ATRX: variants seen among roughly 807,000 people sequenced by gnomAD.
ATRX encodes ATRX chromatin remodeler.
Under a neutral mutation model 172.6 loss-of-function variants are expected in ATRX, and 12 were observed. The observed-to-expected ratio is 0.07, with a 90% CI of 0.04 to 0.11. ATRX has a LOEUF of 0.11. Ranked by LOEUF, ATRX falls within the 10% of genes least tolerant of loss-of-function variation. The pLI is 1.00. For synonymous variants in ATRX, 674 were observed against 594.7 expected (o/e 1.13, Z -1.94); for missense variants, 1,368 against 1,767.4 (o/e 0.77, Z 4.05).
intron 1 of ATRX, among the ~76,000 whole-genome samples, chrX:77,764,232 T>A (rs995475854): frequency 2.7e-5 from 3 of 112,476 alleles, no homozygotes; most frequent in South Asian, 7.3e-4. Flanking sequence ...TAATCCTGGC[T>A]CAACTTTAAA....
chrX:77,566,187 A>G (rs1557064437), intron 28 of ATRX, among the ~76,000 whole-genome samples: 1 of 111,908 alleles, frequency 8.9e-6, no homozygotes, highest in Admixed American at 9.5e-5. Flanking sequence ...CAAACAGGAT[A>G]AACCCAAACA....
At chrX:77,517,573 T>C (rs782048587) in intron 34 of ATRX, among the ~76,000 whole-genome samples, 1 of 112,074 alleles carries the variant, frequency 8.9e-6, no homozygotes, top group Non-Finnish European at 1.9e-5. Flanking sequence ...ATGTCTTCAC[T>C]GCTGAATTTT....
chrX:77,672,584 A>T lies in ATRX; in HGVS notation c.3809+3642T>A, dbSNP rs1438491928. Among the ~76,000 whole-genome samples the T allele has an allele frequency of 1.8e-4, 20 of 111,200 alleles. No individual in the cohort carries two copies. The Admixed American group carries it at 1.9e-3, about 11-fold the overall frequency. On this transcript the variant is annotated intron_variant, in intron 10 of 34. Coordinates refer to ENST00000373344, the MANE Select transcript of ATRX (RefSeq NM_000489.6). ...ACACAAAATTATCATCAAATGATAC[A>T]ACAACAGTTGGAAATTTAAAATGCT...
intron 34 of ATRX, among the ~76,000 whole-genome samples, chrX:77,515,712 T>C (rs1331770619): frequency 8.9e-6 from 1 of 112,104 alleles, no homozygotes; most frequent in African/African-American, 3.2e-5. Flanking sequence ...AAATTCAACA[T>C]GTTATAGACA....
intron 12 of ATRX, among the ~76,000 whole-genome samples, chrX:77,661,198 T>C (rs1399326143): frequency 4.5e-5 from 5 of 112,309 alleles, no homozygotes. Flanking sequence ...TGTCTACTTA[T>C]TGATAATGTG....
chrX:77,715,222 G>A (rs1284334847), intron 2 of ATRX, among the ~76,000 whole-genome samples: 3 of 111,594 alleles, frequency 2.7e-5, no homozygotes, highest in Non-Finnish European at 3.8e-5. Flanking sequence ...CATATACATC[G>A]GTGGTCCCAT....
At chrX:77,724,435 T>C (rs1374130394) in intron 1 of ATRX, among the ~76,000 whole-genome samples, 2 of 109,333 alleles carry the variant, frequency 1.8e-5, no homozygotes, top group African/African-American at 6.7e-5. Flanking sequence ...TCTCACTATG[T>C]TGACCAAGCT....
At chrX:77,702,536 T>C (rs1973211043) in intron 2 of ATRX, among the ~76,000 whole-genome samples, 1 of 111,473 alleles carries the variant, frequency 9.0e-6, no homozygotes, top group Non-Finnish European at 1.9e-5. Context: ...ATCAATGTTA[T>C]GTCTATACAC....
chrX:77,642,568 T>C (rs1305358204), intron 15 of ATRX, among the ~76,000 whole-genome samples: 1 of 109,261 alleles, frequency 9.2e-6, no homozygotes, highest in African/African-American at 3.3e-5. Context: ...AGTGGGAGAA[T>C]TGCTTGAGCC....
chrX:77,737,437 G>C (rs1277957632), intron 1 of ATRX, among the ~76,000 whole-genome samples: 5 of 71,250 alleles, frequency 7.0e-5, no homozygotes, highest in Non-Finnish European at 1.4e-4. Context: ...AAAAAAAAAG[G>C]GGGGGGGGGG....
At chrX:77,729,292 ACTGT>A (rs1289542472) in intron 1 of ATRX, among the ~76,000 whole-genome samples, 1 of 111,488 alleles carries the variant, frequency 9.0e-6, no homozygotes, top group Non-Finnish European at 1.9e-5. Flanking sequence ...CAGGCTATAA[ACTGT>A]CTATGAAGTA....
At chrX:77,598,738 TCAA>T in intron 25 of ATRX, among the ~76,000 whole-genome samples, 1 of 112,156 alleles carries the variant, frequency 8.9e-6, no homozygotes, top group Middle Eastern at 4.6e-3. Flanking sequence ...CACTAATCCT[TCAA>T]CTTACATATA....
chrX:77,648,497 T>C (rs996457971), intron 15 of ATRX, among the ~76,000 whole-genome samples: 1 of 110,650 alleles, frequency 9.0e-6, no homozygotes, highest in Non-Finnish European at 1.9e-5. Flanking sequence ...AAATCCACCT[T>C]AAGTAGCTAG....
intron 30 of ATRX, among the ~76,000 whole-genome samples, chrX:77,537,854 T>C (rs1431386188): frequency 6.3e-5 from 7 of 111,393 alleles, no homozygotes; most frequent in African/African-American, 2.3e-4. Flanking sequence ...TATATATATA[T>C]GTATTTTTAA....
intron 26 of ATRX, among the ~76,000 whole-genome samples, chrX:77,591,847 AT>A (rs1373077710): frequency 8.0e-5 from 9 of 112,235 alleles, no homozygotes; most frequent in African/African-American, 2.6e-4. Flanking sequence ...TTAAATTGGA[AT>A]TAATCTGCAA....
intron 34 of ATRX, among the ~76,000 whole-genome samples, chrX:77,512,197 A>C (rs2062893201): frequency 1.8e-5 from 2 of 111,835 alleles, no homozygotes; most frequent in Non-Finnish European, 3.8e-5. Flanking sequence ...TGAAGGAACA[A>C]ACAAACAAAC....
chrX:77,583,415 T>G (rs1557075153), intron 27 of ATRX, among the ~76,000 whole-genome samples: 1 of 110,279 alleles, frequency 9.1e-6, no homozygotes, highest in East Asian at 2.8e-4. Flanking sequence ...TCCCAGCTAC[T>G]CAGGAGGCTG....
At chrX:77,606,828 A>C (rs1557090846) in intron 22 of ATRX, among the ~76,000 whole-genome samples, 1 of 110,655 alleles carries the variant, frequency 9.0e-6, no homozygotes, top group African/African-American at 3.3e-5. Flanking sequence ...ACACACACAC[A>C]TATATGGAAA....
At chrX:77,590,058 G>A (rs1390000033) in intron 26 of ATRX, 118 bp from the exon 27 acceptor site, 1 of 628,739 alleles carries the variant, frequency 1.6e-6, no homozygotes, top group African/African-American at 2.2e-5. Flanking sequence ...GGATTTTTTT[G>A]TAGAAATTAC....
Sources: allele counts gnomAD v4.1 joint callset (sites outside exome capture counted in the v4.1 genomes callset), GRCh38; gene constraint gnomAD v4.1.1; transcripts MANE v1.5; gene names NCBI Gene and HGNC (gene_info 2026-07-23, HGNC 2026-07-21).